The following LYPD6 variants were observed in gnomAD, a reference collection of about 807,000 sequenced individuals.
The protein encoded by LYPD6 is ly6/PLAUR domain-containing protein 6.
In LYPD6, 15 loss-of-function variants were observed where a neutral mutation model predicts 22.7. The ratio of observed to expected loss-of-function variants is 0.66; its 90% CI spans 0.44 to 1.02. LYPD6 has a LOEUF of 1.02. Ranked by LOEUF, LYPD6 falls within the 50% of genes least tolerant of loss-of-function variation. The pLI, the probability that LYPD6 is intolerant of heterozygous loss-of-function variation, is 0.00. For missense variants in LYPD6, 189 were observed against 208.4 expected (o/e 0.91, Z 0.57); for synonymous variants, 72 against 77.5 (o/e 0.93, Z 0.37).
intron 1 of LYPD6, among the ~76,000 whole-genome samples, chr2:149,413,172 A>T (rs1682889796): frequency 6.6e-6 from 1 of 152,128 alleles, no homozygotes; most frequent in Admixed American, 6.5e-5. Flanking sequence ...GATATTTGGG[A>T]GTCCCGAACT....
At chr2:149,434,529 G>C (rs1683388302) in intron 1 of LYPD6, among the ~76,000 whole-genome samples, 1 of 152,130 alleles carries the variant, frequency 6.6e-6, no homozygotes, top group Admixed American at 6.5e-5. Context: ...TTCAAATTAA[G>C]TCTTTTTCTA....
chr2:149,374,286 T>C (rs1681870338), intron 1 of LYPD6, among the ~76,000 whole-genome samples: 1 of 152,238 alleles, frequency 6.6e-6, no homozygotes, highest in Non-Finnish European at 1.5e-5. Context: ...GTCTCAATTA[T>C]GTTCAGGTCT....
chr2:149,445,281 T>C (rs964873984), intron 2 of LYPD6, among the ~76,000 whole-genome samples: 2 of 152,184 alleles, frequency 1.3e-5, no homozygotes, highest in African/African-American at 4.8e-5. Flanking sequence ...GAGCACAGAG[T>C]AGACTTAACA....
intron 1 of LYPD6, among the ~76,000 whole-genome samples, chr2:149,378,458 T>C (rs76952347): frequency 0.033 from 4,955 of 152,338 alleles, 102 homozygotes; most frequent in Non-Finnish European, 0.049. Context: ...TCATTTCATG[T>C]TAATTCTCCT....
chr2:149,374,477 T>G (rs1300448695), intron 1 of LYPD6, among the ~76,000 whole-genome samples: 1 of 152,184 alleles, frequency 6.6e-6, no homozygotes, highest in African/African-American at 2.4e-5. Context: ...GGCAACAATT[T>G]GAGTATTATC....
intron 1 of LYPD6, among the ~76,000 whole-genome samples, chr2:149,398,949 AT>A (rs1282449290): frequency 2.6e-5 from 4 of 152,212 alleles, no homozygotes; most frequent in African/African-American, 9.6e-5. Flanking sequence ...TTGCTAAGAG[AT>A]TACCTCCAGA....
chr2:149,458,481 C>T (rs1460941514), intron 3 of LYPD6, among the ~76,000 whole-genome samples: 1 of 152,116 alleles, frequency 6.6e-6, no homozygotes, highest in African/African-American at 2.4e-5. Context: ...CACTCTCAAA[C>T]AGGGAGTATA....
At chr2:149,397,611 C>G (rs1343628035) in intron 1 of LYPD6, among the ~76,000 whole-genome samples, 2 of 152,328 alleles carry the variant, frequency 1.3e-5, no homozygotes, top group East Asian at 3.9e-4. Flanking sequence ...GAATCTGGCA[C>G]TGAATGAGTG....
At chr2:149,388,076 G>A (rs1682227041) in intron 1 of LYPD6, among the ~76,000 whole-genome samples, 1 of 152,062 alleles carries the variant, frequency 6.6e-6, no homozygotes, top group South Asian at 2.1e-4. Context: ...ATGCCTAAAG[G>A]AAATTTTGAG....
At chr2:149,348,371 G>A (rs1334765266) in intron 1 of LYPD6, among the ~76,000 whole-genome samples, 1 of 152,220 alleles carries the variant, frequency 6.6e-6, no homozygotes, top group African/African-American at 2.4e-5. Context: ...ACTAAAGCGA[G>A]GAAGGGGAGA....
chr2:149,437,339 C>T (rs1683455845), intron 1 of LYPD6, among the ~76,000 whole-genome samples: 1 of 152,166 alleles, frequency 6.6e-6, no homozygotes, highest in African/African-American at 2.4e-5. Flanking sequence ...CAGCCATCCC[C>T]TGGCCTCCTA....
chr2:149,405,449 T>G (rs1310437344), intron 1 of LYPD6, among the ~76,000 whole-genome samples: 1 of 152,226 alleles, frequency 6.6e-6, no homozygotes, highest in Non-Finnish European at 1.5e-5. Context: ...AACTTCTTCC[T>G]GGTTTAGTCT....
At chr2:149,422,896 T>C (rs956059801) in intron 1 of LYPD6, among the ~76,000 whole-genome samples, 2 of 152,228 alleles carry the variant, frequency 1.3e-5, no homozygotes, top group Non-Finnish European at 2.9e-5. Context: ...CTTAGCATAA[T>C]GTCCTCTAGG....
intron 1 of LYPD6, among the ~76,000 whole-genome samples, chr2:149,429,633 G>A (rs2105141834): frequency 6.6e-6 from 1 of 152,334 alleles, no homozygotes; most frequent in East Asian, 1.9e-4. Context: ...ACAGACCTTG[G>A]TGGCTGGAAG....
intron 1 of LYPD6, among the ~76,000 whole-genome samples, chr2:149,387,756 A>G (rs572288827): frequency 6.6e-6 from 1 of 152,322 alleles, no homozygotes; most frequent in African/African-American, 2.4e-5. Context: ...AGAGGGAGCC[A>G]TGAAGTAAAT....
chr2:149,460,233 T>A (rs1204999598), intron 3 of LYPD6, among the ~76,000 whole-genome samples: 1 of 152,210 alleles, frequency 6.6e-6, no homozygotes, highest in African/African-American at 2.4e-5. Flanking sequence ...AAATGAAATG[T>A]ATTGACAGAA....
At chr2:149,438,662 G>A (rs1260369860) in intron 2 of LYPD6, among the ~76,000 whole-genome samples, 1 of 152,232 alleles carries the variant, frequency 6.6e-6, no homozygotes, top group Non-Finnish European at 1.5e-5. Context: ...AGGCTTGAAA[G>A]CATAAAGGCA....
intron 1 of LYPD6, among the ~76,000 whole-genome samples, chr2:149,421,247 C>T (rs566454206): frequency 4.6e-5 from 7 of 151,856 alleles, no homozygotes; most frequent in East Asian, 1.9e-4. Context: ...AACATTAGCC[C>T]GGCCTGGTGG....
chr2:149,449,298 C>T, intron 3 of LYPD6, 151 bp downstream of exon 3: 1 of 554,854 alleles, frequency 1.8e-6, no homozygotes. Context: ...ACACCAATAA[C>T]TTATCAGAGA....
Sources: allele counts gnomAD v4.1 joint callset (sites outside exome capture counted in the v4.1 genomes callset), GRCh38; gene constraint gnomAD v4.1.1; transcripts MANE v1.5; gene names NCBI Gene and HGNC (gene_info 2026-07-23, HGNC 2026-07-21).